The following COL9A1 variants were observed in gnomAD, a reference collection of about 807,000 sequenced individuals.
COL9A1 encodes the protein collagen type IX alpha 1 chain, also known as collagen alpha-1(IX) chain.
COL9A1 carries 104 observed loss-of-function variants against 142.6 expected under a neutral mutation model. That is an observed-to-expected ratio of 0.73 (90% CI 0.62 to 0.86). The LOEUF is 0.86. COL9A1 is among the 40% of genes least tolerant of loss of function. The pLI, the probability that COL9A1 is intolerant of heterozygous loss-of-function variation, is 0.00. For missense variants in COL9A1, 1,210 were observed against 1,176.6 expected (o/e 1.03, Z -0.42); for synonymous variants, 466 against 396.0 (o/e 1.18, Z -2.10).
chr6:70,273,987 A>T (rs368687599), intron 12 of COL9A1, 60 bp downstream of exon 12: 2 of 991,404 alleles, frequency 2.0e-6, no homozygotes, highest in Non-Finnish European at 2.8e-6. Context: ...AGATTTCACA[A>T]TGGCAGAATT....
intron 4 of COL9A1, among the ~76,000 whole-genome samples, chr6:70,297,649 T>G (rs963175830): frequency 2.6e-5 from 4 of 152,172 alleles, no homozygotes; most frequent in Non-Finnish European, 5.9e-5. Context: ...ATGATTTATT[T>G]TATTATATTA....
At chr6:70,254,024 A>T (rs1771113440) in intron 25 of COL9A1, among the ~76,000 whole-genome samples, 1 of 152,220 alleles carries the variant, frequency 6.6e-6, no homozygotes, top group African/African-American at 2.4e-5. Flanking sequence ...ATCCACACGA[A>T]CTTCCAGACA....
intron 18 of COL9A1, among the ~76,000 whole-genome samples, chr6:70,264,063 G>A (rs12195966): frequency 0.13 from 19,192 of 151,754 alleles, 1,540 homozygotes; most frequent in Non-Finnish European, 0.18. Flanking sequence ...ATTGTTACTG[G>A]CTCTAAACTT....
At chr6:70,233,011 C>G (rs1769654394) in intron 35 of COL9A1, among the ~76,000 whole-genome samples, 1 of 151,978 alleles carries the variant, frequency 6.6e-6, no homozygotes, top group South Asian at 2.1e-4. Flanking sequence ...GAGACAGAGT[C>G]AGGGCACGGG....
chr6:70,302,872 T>G (rs2242588), intron 1 of COL9A1, 39 bp downstream of exon 1: 3 of 1,610,604 alleles, frequency 1.9e-6, no homozygotes. Context: ...GACCCCCAGC[T>G]CCATCTCCCC....
In COL9A1 at chr6:70,257,048, A is replaced by AATT. The variant is rs1562307548; in HGVS notation, c.1450-228_1450-227insAAT. ...ACACAATCTTTGATGCCACTCTGTAATTTTTTTTTTTTTTTTTTTTTTTTT... is the reference window on the plus strand; with the variant it reads ...ACACAATCTTTGATGCCACTCTGTAAATTTTTTTTTTTTTTTTTTTTTTTTTTT... On this transcript the variant is annotated intron_variant, in intron 20 of 37. Coordinates refer to ENST00000357250, the MANE Select transcript of COL9A1 (RefSeq NM_001851.6). Among the ~76,000 whole-genome samples, 6 of 105,018 alleles carry AATT rather than the reference A, an allele frequency of 5.7e-5. 1 individual carries two copies. The highest frequency in any genetic ancestry group is 1.0e-4 in the Admixed American group (1 of 9,768). 68.9% of individuals were successfully genotyped at this position (105,018 alleles called of 152,430 possible).
chr6:70,216,633 T>A lies in COL9A1; in HGVS notation c.*264A>T, dbSNP rs1029353028. The A allele has an allele frequency of 1.2e-5, 6 of 492,024 alleles. No individual in the cohort carries two copies. In the Admixed American group the frequency reaches 2.0e-4, roughly 17 times the overall value. The allele number at this position is 492,024 out of a possible 1,614,324, so 30.5% of individuals were successfully genotyped here. On this transcript the variant is annotated 3_prime_UTR_variant, in exon 38 of 38. Transcript: ENST00000357250. ...CCTGGGAACAGGAGTATAAATTTAT[T>A]CAAGGGAGGTGTTTGGTTTTCTTTT...
At chr6:70,252,560 C>G (rs1771012893) in intron 26 of COL9A1, among the ~76,000 whole-genome samples, 1 of 152,052 alleles carries the variant, frequency 6.6e-6, no homozygotes, top group African/African-American at 2.4e-5. Context: ...GGGGTTTTAG[C>G]CTTCAGTTAA....
intron 36 of COL9A1, among the ~76,000 whole-genome samples, chr6:70,232,167 T>A (rs113735501): frequency 1.3e-5 from 2 of 152,188 alleles, no homozygotes. Context: ...ATTTTATTAG[T>A]TTAAATAACA....
intron 34 of COL9A1, 57 bp downstream of exon 34, chr6:70,234,737 C>A: frequency 6.2e-7 from 1 of 1,611,264 alleles, no homozygotes; most frequent in Admixed American, 1.7e-5. Context: ...TAGAACAGCC[C>A]TGCTGCTGTG....
chr6:70,280,567 C>A, intron 10 of COL9A1: 1 of 1,392,966 alleles, frequency 7.2e-7, no homozygotes. Context: ...CCAGTACCCG[C>A]TGCTGTTTTC....
Position 70,234,899 on chromosome 6 carries a change from TCCC to T in COL9A1, c.2151_2153del (p.Gly718del). On this transcript the variant is annotated inframe_deletion, in exon 34 of 38. Coordinates refer to ENST00000357250, the MANE Select transcript of COL9A1 (RefSeq NM_001851.6). ...CTTCCACTCCAGGAAGCCCCCGACTTCCCTCAGGCCCTCTCAAGCCAGGTTCCC... is the reference window on the plus strand; with the variant it reads ...CTTCCACTCCAGGAAGCCCCCGACTTTCAGGCCCTCTCAAGCCAGGTTCCC... The T allele has an allele frequency of 6.2e-7, 1 of 1,614,064 alleles. No homozygotes were observed.
At chr6:70,281,091 G>A in intron 8 of COL9A1, 52 bp from the exon 9 acceptor site, 1 of 1,468,666 alleles carries the variant, frequency 6.8e-7, no homozygotes, top group Non-Finnish European at 9.4e-7. Context: ...GATAGGCTGA[G>A]GACCCCACTG....
In COL9A1 at chr6:70,254,876, T is replaced by C. The variant is rs1771175384; in HGVS notation, c.1665+87A>G. 4.8e-6 allele frequency: 6 copies of C among 1,245,838 alleles called. No homozygotes were observed. The East Asian group carries it at 1.4e-4, about 29-fold the overall frequency. The allele number at this position is 1,245,838 out of a possible 1,614,324, so 77.2% of individuals were successfully genotyped here. On this transcript the variant is annotated intron_variant, in intron 24 of 37. Coordinates refer to ENST00000357250, the MANE Select transcript of COL9A1 (RefSeq NM_001851.6). ...AGCCAAAGCTAGCTAAATAAATCTT[T>C]TGGTGATTTAGTAATGGAAATGCCA...
At chr6:70,275,920 T>G (rs1772729944) in intron 10 of COL9A1, among the ~76,000 whole-genome samples, 2 of 152,138 alleles carry the variant, frequency 1.3e-5, no homozygotes, top group Non-Finnish European at 2.9e-5. Flanking sequence ...TCTGTCATGG[T>G]CTGAATAAAC....
chr6:70,288,087 T>C (rs1773521915), intron 5 of COL9A1, among the ~76,000 whole-genome samples: 2 of 152,280 alleles, frequency 1.3e-5, no homozygotes, highest in South Asian at 4.1e-4. Context: ...CAACTTCATC[T>C]AGATGTCTAG....
At chr6:70,298,550 A>G (rs575458033) in intron 4 of COL9A1, among the ~76,000 whole-genome samples, 1 of 152,190 alleles carries the variant, frequency 6.6e-6, no homozygotes, top group Non-Finnish European at 1.5e-5. Context: ...AGGGTAGCAA[A>G]TGTGAGACAT....
intron 24 of COL9A1, chr6:70,254,742 T>C: frequency 1.5e-6 from 1 of 676,496 alleles, no homozygotes; most frequent in South Asian, 1.9e-5. Context: ...CAACTTACTT[T>C]CATCAACAGG....
At chr6:70,292,418 C>T (rs1182596092) in intron 5 of COL9A1, among the ~76,000 whole-genome samples, 2 of 152,086 alleles carry the variant, frequency 1.3e-5, no homozygotes, top group Non-Finnish European at 2.9e-5. Flanking sequence ...AACCAGCTGC[C>T]AGGTTTCTGG....
Sources: allele counts gnomAD v4.1 joint callset (sites outside exome capture counted in the v4.1 genomes callset), GRCh38; gene constraint gnomAD v4.1.1; transcripts MANE v1.5; gene names NCBI Gene and HGNC (gene_info 2026-07-23, HGNC 2026-07-21).